PCBD2: variants seen among roughly 807,000 people sequenced by gnomAD.
The protein encoded by PCBD2 is pterin-4-alpha-carbinolamine dehydratase 2.
A neutral mutation model predicts 16.4 loss-of-function variants in PCBD2; 12 were observed. That is an observed-to-expected ratio of 0.73 (90% CI 0.47 to 1.19). The LOEUF (loss-of-function observed/expected upper bound fraction) is 1.19, where lower values mean the gene tolerates loss of function less well. Among genes scored for constraint, PCBD2 ranks in the 50% most tolerant of loss-of-function variants. PCBD2 has a pLI of 0.00. For missense variants in PCBD2, 138 were observed against 156.8 expected (o/e 0.88, Z 0.64); for synonymous variants, 58 against 61.8 (o/e 0.94, Z 0.29).
chr5:134,931,633 G>C (rs1274471593), intron 2 of PCBD2, among the ~76,000 whole-genome samples: 2 of 152,156 alleles, frequency 1.3e-5, no homozygotes, highest in African/African-American at 4.8e-5. Flanking sequence ...TCATTCCAAG[G>C]CCAGATATCC....
intron 2 of PCBD2, among the ~76,000 whole-genome samples, chr5:134,954,481 A>T (rs1751393036): frequency 6.6e-6 from 1 of 152,208 alleles, no homozygotes; most frequent in Non-Finnish European, 1.5e-5. Context: ...CTTACTGCTA[A>T]TACCTTTGGT....
At chr5:134,923,816 G>A (rs1183648263) in intron 2 of PCBD2, 5 of 393,964 alleles carry the variant, frequency 1.3e-5, no homozygotes, top group Non-Finnish European at 1.3e-5. Flanking sequence ...GGTAGCGGAT[G>A]ATTCAGCCAT....
intron 2 of PCBD2, among the ~76,000 whole-genome samples, chr5:134,953,616 G>A (rs1485205158): frequency 5.3e-5 from 8 of 152,148 alleles, no homozygotes; most frequent in Middle Eastern, 6.8e-3. Flanking sequence ...CCAACATGGC[G>A]AAATCCTGTC....
intron 2 of PCBD2, among the ~76,000 whole-genome samples, chr5:134,940,614 A>G (rs1043947992): frequency 6.6e-6 from 1 of 152,136 alleles, no homozygotes; most frequent in Admixed American, 6.5e-5. Flanking sequence ...CTCTTTAAAT[A>G]TCATAATTTT....
At chr5:134,939,014 C>T (rs2149536969) in intron 2 of PCBD2, among the ~76,000 whole-genome samples, 1 of 152,208 alleles carries the variant, frequency 6.6e-6, no homozygotes, top group East Asian at 1.9e-4. Context: ...TTCATATTGT[C>T]AGATTTGTGA....
chr5:134,927,578 G>T (rs1561910285), intron 2 of PCBD2: 1 of 397,064 alleles, frequency 2.5e-6, no homozygotes, highest in South Asian at 1.3e-4. Context: ...AGCCTACTAG[G>T]GTGTAGAATA....
Position 134,961,765 on chromosome 5 carries a change from T to C in PCBD2, c.*1084T>C, listed in dbSNP as rs186456097. 6.6e-6 allele frequency among the ~76,000 whole-genome samples: 1 copy of C among 152,066 alleles called. No individual in the cohort carries two copies. Among genetic ancestry groups the C allele is most frequent in the East Asian group, 1.9e-4 (1 of 5,138 alleles). On this transcript the variant is annotated 3_prime_UTR_variant, in exon 4 of 4. Transcript: ENST00000254908. ...TAACTTTAAATAACAATTCTTCTTT[T>C]GTTTTGTTTTGTTTGAGACGGGGTC...
intron 2 of PCBD2, among the ~76,000 whole-genome samples, chr5:134,953,698 G>A (rs1253488855): frequency 2.0e-5 from 3 of 152,146 alleles, no homozygotes; most frequent in Non-Finnish European, 2.9e-5. Flanking sequence ...CTACTTGGGA[G>A]GCTGAGGCAG....
intron 2 of PCBD2, among the ~76,000 whole-genome samples, chr5:134,956,188 T>C (rs1314208349): frequency 6.6e-6 from 1 of 152,242 alleles, no homozygotes; most frequent in Non-Finnish European, 1.5e-5. Context: ...TTTATCAGGC[T>C]TTGTAGTATT....
At chr5:134,907,622 T>TAAG (rs1229572569) in intron 1 of PCBD2, among the ~76,000 whole-genome samples, 1 of 151,804 alleles carries the variant, frequency 6.6e-6, no homozygotes, top group Non-Finnish European at 1.5e-5. Flanking sequence ...GAATCTCTTT[T>TAAG]GATTTTTTTT....
chr5:134,921,346 G>T (rs1750901235), intron 2 of PCBD2, among the ~76,000 whole-genome samples: 1 of 152,186 alleles, frequency 6.6e-6, no homozygotes. Context: ...GCCACAGGAG[G>T]TGCACTTCAG....
chr5:134,928,446 G>A (rs1751048275), intron 2 of PCBD2: 1 of 341,308 alleles, frequency 2.9e-6, no homozygotes, highest in Non-Finnish European at 5.4e-6. Flanking sequence ...CTTAGGGCTA[G>A]GATGATGATT....
In PCBD2 at chr5:134,949,648, T is replaced by C. The variant is rs186066575; in HGVS notation, c.217-9392T>C. Among the ~76,000 whole-genome samples, 445 of 152,338 alleles carry C rather than the reference T, an allele frequency of 2.9e-3. 3 individuals carry two copies. The highest frequency in any genetic ancestry group is 5.2e-3 in the South Asian group (25 of 4,832). On this transcript the variant is annotated intron_variant, in intron 2 of 3. Coordinates refer to ENST00000254908, the MANE Select transcript of PCBD2 (RefSeq NM_032151.5). ...CACAGTTTAGTTGAGAATATTCTTG[T>C]GTTGCCTACAATTAAAATCTGACGT...
Sources: gnomAD v4.1 joint callset for allele counts (sites outside exome capture counted in the v4.1 genomes callset) on GRCh38, gnomAD v4.1.1 for gene constraint, MANE v1.5 for transcripts, NCBI Gene and HGNC (gene_info 2026-07-23, HGNC 2026-07-21) for gene names.